ATIC: variants seen among roughly 807,000 people sequenced by gnomAD.
ATIC encodes the protein bifunctional purine biosynthesis protein ATIC.
A neutral mutation model predicts 72.5 loss-of-function variants in ATIC; 64 were observed. That is an observed-to-expected ratio of 0.88 (90% CI 0.72 to 1.09). The LOEUF (loss-of-function observed/expected upper bound fraction) is 1.09. ATIC is among the 50% of genes least tolerant of loss of function. The pLI, the probability that ATIC is intolerant of heterozygous loss-of-function variation, is 0.00. For synonymous variants in ATIC, 281 were observed against 267.1 expected (o/e 1.05, Z -0.51); for missense variants, 787 against 732.4 (o/e 1.07, Z -0.86).
rs150572192 is a variant in ATIC, at chr2:215,344,635, G to A, written c.1228-144G>A. ...GGTTACAGTGAGCCGAGATTGTGCC[G>A]TTGGAGATTGTCCCATTGTGCCTGG... On this transcript the variant is annotated intron_variant, in intron 12 of 15. Transcript: ENST00000236959. The A allele has an allele frequency of 4.4e-3, 3,368 of 766,316 alleles. 58 individuals are homozygous for A. The African/African-American group carries it at 0.046, about 11-fold the overall frequency. The allele number at this position is 766,316 out of a possible 1,614,324, so 47.5% of individuals were successfully genotyped here. A position where few individuals can be genotyped will look rare whatever the true frequency, so the allele number is the denominator to read the frequency against.
At position 215,312,472 on chromosome 2, in the gene ATIC, A is replaced by G. The variant is rs774934825; in HGVS notation, c.20-26A>G. 10 of 1,614,084 alleles carry G rather than the reference A, an allele frequency of 6.2e-6. No individual in the cohort carries two copies. The South Asian group carries it at 6.6e-5, about 11-fold the overall frequency. ...AACACAGTGCAATGTGCTGCGAATC[A>G]TGAGAAAAAATGTCTTCTCTTTCAG... On this transcript the variant is annotated intron_variant, in intron 1 of 15. Coordinates refer to ENST00000236959, the MANE Select transcript of ATIC (RefSeq NM_004044.7).
At chr2:215,366,444 A>G in the ATIC span, among the ~76,000 whole-genome samples, 1 of 152,196 alleles carries the variant, frequency 6.6e-6, no homozygotes, top group East Asian at 1.9e-4. Flanking sequence ...TGGGAAGAGT[A>G]AAAAATGAAC....
At chr2:215,335,983 G>A in intron 10 of ATIC, 52 bp from the exon 11 acceptor site, 1 of 1,397,346 alleles carries the variant, frequency 7.2e-7, no homozygotes, top group Non-Finnish European at 1.0e-6. Flanking sequence ...ATTTTTTTAA[G>A]AGGTGTTCTC....
chr2:215,356,019 C>T, the ATIC span, among the ~76,000 whole-genome samples: 778 of 152,314 alleles, frequency 5.1e-3, 6 homozygotes, highest in African/African-American at 0.018. Flanking sequence ...CTATCAGGTT[C>T]GAGTCCCAGT....
downstream of ATIC, among the ~76,000 whole-genome samples, chr2:215,351,991 A>T (rs538307967): frequency 3.3e-5 from 5 of 152,170 alleles, no homozygotes; most frequent in Non-Finnish European, 7.3e-5. Context: ...AACCTAGCCG[A>T]AGGACTTTAC....
downstream of ATIC, among the ~76,000 whole-genome samples, chr2:215,353,814 G>A (rs181323708): frequency 1.5e-3 from 232 of 151,914 alleles, no homozygotes; most frequent in African/African-American, 5.2e-3. Context: ...TGCCCGCCTC[G>A]GCCTTCCAAA....
rs2053114860 is a variant in ATIC at position 215,349,737 on chromosome 2, A to G, written c.*82A>G. 6.2e-7 allele frequency: 1 copy of G among 1,605,494 alleles called. No homozygotes were observed. Among genetic ancestry groups the G allele is most frequent in the South Asian group, 1.1e-5 (1 of 90,780 alleles). On this transcript the variant is annotated 3_prime_UTR_variant, in exon 16 of 16. Coordinates refer to ENST00000236959, the MANE Select transcript of ATIC (RefSeq NM_004044.7). Reference sequence around the variant, plus strand: ...AACTTTGAGGATAACTTTTTAAAAAAATAAAACAGTATCTCTTAATCACTG... The same window carrying G: ...AACTTTGAGGATAACTTTTTAAAAAGATAAAACAGTATCTCTTAATCACTG...
chr2:215,363,486 G>A, the ATIC span: 3 of 152,216 alleles, frequency 2.0e-5, no homozygotes, highest in African/African-American at 7.2e-5. Context: ...TGTAATCACT[G>A]GGGGTGAAAC....
At chr2:215,321,753 C>G (rs1224593274) in intron 4 of ATIC, among the ~76,000 whole-genome samples, 7 of 152,166 alleles carry the variant, frequency 4.6e-5, no homozygotes, top group Admixed American at 3.3e-4. Context: ...TGCTTCCTAG[C>G]CAGTTGTTTA....
chr2:215,322,674 T>A (rs183187764), intron 4 of ATIC, among the ~76,000 whole-genome samples: 40 of 152,262 alleles, frequency 2.6e-4, no homozygotes, highest in Admixed American at 2.2e-3. Context: ...TTAGCTCTTA[T>A]ACTTAAGTCT....
At chr2:215,329,862 A>G (rs994548591) in intron 7 of ATIC, among the ~76,000 whole-genome samples, 9 of 152,124 alleles carry the variant, frequency 5.9e-5, no homozygotes, top group Non-Finnish European at 8.8e-5. Flanking sequence ...TCCCAGGTTC[A>G]AGTGATCTCC....
At chr2:215,345,068 G>C in intron 13 of ATIC, 197 bp downstream of exon 13, 1 of 647,468 alleles carries the variant, frequency 1.5e-6, no homozygotes, top group Non-Finnish European at 2.8e-6. Flanking sequence ...TTTGGAACCA[G>C]GTACTCAAAG....
chr2:215,353,254 C>T (rs887667364), downstream of ATIC, among the ~76,000 whole-genome samples: 3 of 152,030 alleles, frequency 2.0e-5, no homozygotes, highest in African/African-American at 7.3e-5. Flanking sequence ...ACTTTTATTT[C>T]CTTCCTTGAC....
the ATIC span, among the ~76,000 whole-genome samples, chr2:215,359,071 CAG>C: frequency 4.0e-4 from 61 of 152,182 alleles, no homozygotes; most frequent in Non-Finnish European, 7.4e-4. Flanking sequence ...TTTGTAGAGA[CAG>C]GGGTCTCGCT....
chr2:215,359,862 CTTGT>C, the ATIC span, among the ~76,000 whole-genome samples: 467 of 152,110 alleles, frequency 3.1e-3, 1 homozygote, highest in South Asian at 0.026. Flanking sequence ...CTTTGCATGT[CTTGT>C]TTATTATGAA....
In ATIC at chr2:215,326,066, G is replaced by A; in HGVS notation, c.459G>A (p.Val153=). ...TVVCEPEDYV[V]VSTEMQSSES... ...TGTGTGAACCAGAGGACTATGTGGT[G>A]GTGTCCACGGAGATGCAGAGCTCCG... is the stretch of plus-strand genomic sequence containing the variant. Residue 153 remains valine, a synonymous_variant, in exon 6 of 16, where the codon GTG becomes GTA. Coordinates refer to ENST00000236959, the MANE Select transcript of ATIC (RefSeq NM_004044.7). 2 of 1,614,120 alleles carry A rather than the reference G, an allele frequency of 1.2e-6. No individual in the cohort carries two copies. The highest frequency in any genetic ancestry group is 1.1e-5 in the South Asian group (1 of 91,072).
At chr2:215,342,100 T>C (rs6751963) in intron 12 of ATIC, among the ~76,000 whole-genome samples, 152,165 of 152,260 alleles carry the variant, frequency 1, 76,035 homozygotes, top group Middle Eastern at 1. Context: ...CACCTAGTCC[T>C]GCCTGTTGAC....
Position 215,349,153 on chromosome 2 carries a change from G to C in ATIC, c.1563G>C (p.Glu521Asp), listed in dbSNP as rs775265313. The change falls in exon 15 of 16, where the codon GAG becomes GAC. Residue 521 changes from glutamate to aspartate, a missense_variant. Transcript: ENST00000236959. ...LFEEVPELLT[E>D]AEKKEWVEKL... ...AGGAAGTCCCTGAGTTACTCACTGA[G>C]GCAGAGAAGAAGGAATGGGTTGAGA... The C allele has an allele frequency of 6.8e-6, 11 of 1,614,094 alleles. No individual in the cohort carries two copies. The South Asian group carries it at 1.2e-4, about 18-fold the overall frequency.
chr2:215,340,069 A>G (rs867699299), intron 12 of ATIC, among the ~76,000 whole-genome samples: 2 of 152,204 alleles, frequency 1.3e-5, no homozygotes, highest in South Asian at 4.1e-4. Context: ...AGCTCACTGC[A>G]ACGTGGATCT....
Sources: allele counts gnomAD v4.1 joint callset (sites outside exome capture counted in the v4.1 genomes callset), GRCh38; gene constraint gnomAD v4.1.1; transcripts MANE v1.5; gene names NCBI Gene and HGNC (gene_info 2026-07-23, HGNC 2026-07-21).